The following IQCJ variants were observed in gnomAD, a reference collection of about 807,000 sequenced individuals.
IQCJ encodes IQ domain-containing protein J.
In IQCJ, 9 loss-of-function variants were observed where a neutral mutation model predicts 11.0. The observed-to-expected ratio is 0.82, with a 90% CI of 0.49 to 1.43. The LOEUF (loss-of-function observed/expected upper bound fraction) is 1.43. IQCJ is among the 40% of genes most tolerant of loss of function. The probability of loss-of-function intolerance (pLI) is 0.00; values close to 1 mark genes in which losing one functional copy is unlikely to be tolerated. For missense variants in IQCJ, 146 were observed against 133.2 expected (o/e 1.10, Z -0.47); for synonymous variants, 55 against 51.3 (o/e 1.07, Z -0.31).
intron 1 of IQCJ, among the ~76,000 whole-genome samples, chr3:159,243,759 C>G (rs1251362738): frequency 6.6e-6 from 1 of 152,172 alleles, no homozygotes; most frequent in East Asian, 1.9e-4. Flanking sequence ...GTAAATTATA[C>G]TCCAATTAAA....
At chr3:159,200,358 C>T (rs972821945) in intron 1 of IQCJ, among the ~76,000 whole-genome samples, 1 of 152,018 alleles carries the variant, frequency 6.6e-6, no homozygotes, top group Admixed American at 6.5e-5. Flanking sequence ...GTGGTATGAT[C>T]ATGACTGTGG....
intron 1 of IQCJ, among the ~76,000 whole-genome samples, chr3:159,178,901 A>T (rs898552072): frequency 6.6e-6 from 1 of 151,818 alleles, no homozygotes; most frequent in South Asian, 2.1e-4. Context: ...CCCCTGCACG[A>T]TGATGCCTCA....
chr3:159,225,768 G>C (rs1725821354), intron 1 of IQCJ, among the ~76,000 whole-genome samples: 2 of 151,756 alleles, frequency 1.3e-5, no homozygotes, highest in Non-Finnish European at 2.9e-5. Context: ...TGTGTACCTA[G>C]TGTTAGCAAT....
intron 1 of IQCJ, among the ~76,000 whole-genome samples, chr3:159,110,508 C>A (rs1358478683): frequency 1.3e-5 from 2 of 152,102 alleles, no homozygotes; most frequent in African/African-American, 4.8e-5. Flanking sequence ...ATGTCCAACC[C>A]AGACACAATG....
rs79355703 is a variant in IQCJ, at chr3:159,143,364, A to G, written c.9+73923A>G. ...ATTCTTGAAGAGCTTGAACCTCTCA[A>G]TAGTTCCTTACCCCACTACCCTAGA... is the stretch of plus-strand genomic sequence containing the variant. On this transcript the variant is annotated intron_variant, in intron 1 of 3. Coordinates refer to ENST00000397832, the MANE Select transcript of IQCJ (RefSeq NM_001042706.3). Among the ~76,000 whole-genome samples, 813 of 152,300 alleles carry G rather than the reference A, an allele frequency of 5.3e-3. 13 individuals are homozygous for G. In the East Asian group the frequency reaches 0.067, roughly 12 times the overall value.
chr3:159,137,714 G>A (rs1720378457), intron 1 of IQCJ, among the ~76,000 whole-genome samples: 1 of 152,050 alleles, frequency 6.6e-6, no homozygotes, highest in Admixed American at 6.6e-5. Context: ...CCTATTTTAT[G>A]AATGTCATGA....
intron 1 of IQCJ, among the ~76,000 whole-genome samples, chr3:159,204,879 T>C (rs1724555956): frequency 6.6e-6 from 1 of 152,202 alleles, no homozygotes; most frequent in Non-Finnish European, 1.5e-5. Flanking sequence ...GCACTTTACT[T>C]TCTGCATCTC....
chr3:159,120,197 A>G (rs1719283300), intron 1 of IQCJ, among the ~76,000 whole-genome samples: 1 of 152,118 alleles, frequency 6.6e-6, no homozygotes, highest in Non-Finnish European at 1.5e-5. Context: ...TGCACTTTGG[A>G]GAGGGTCCTA....
chr3:159,101,687 A>G (rs1029662105), intron 1 of IQCJ, among the ~76,000 whole-genome samples: 2 of 152,180 alleles, frequency 1.3e-5, no homozygotes, highest in Non-Finnish European at 1.5e-5. Flanking sequence ...ACTCAAGCCC[A>G]TCTACTGTGT....
chr3:159,155,302 C>A (rs537319907), intron 1 of IQCJ, among the ~76,000 whole-genome samples: 1 of 150,940 alleles, frequency 6.6e-6, no homozygotes, highest in South Asian at 2.2e-4. Context: ...GGACTACAGG[C>A]ACACGCCATC....
In IQCJ at chr3:159,091,676, A is replaced by ACG. The variant is rs1559981892; in HGVS notation, c.9+22236_9+22237insGC. Among the ~76,000 whole-genome samples the ACG allele has an allele frequency of 6.1e-4, 38 of 62,446 alleles. 3 individuals carry two copies. The highest frequency in any genetic ancestry group is 2.7e-3 in the African/African-American group (35 of 13,142). 41.0% of individuals were successfully genotyped at this position (62,446 alleles called of 152,430 possible). A position where few individuals can be genotyped will look rare whatever the true frequency, so the allele number is the denominator to read the frequency against. On this transcript the variant is annotated intron_variant, in intron 1 of 3. Transcript: ENST00000397832. ...CACACACACACACACACACGCATGC[A>ACG]CACACACACACACACACACACACAC...
intron 1 of IQCJ, among the ~76,000 whole-genome samples, chr3:159,232,580 T>G (rs1033683378): frequency 6.6e-6 from 1 of 151,782 alleles, no homozygotes; most frequent in Admixed American, 6.6e-5. Context: ...CACTGTGGTC[T>G]GAGAGACAGT....
chr3:159,236,604 A>G (rs918657675), intron 1 of IQCJ, among the ~76,000 whole-genome samples: 1 of 152,228 alleles, frequency 6.6e-6, no homozygotes, highest in African/African-American at 2.4e-5. Context: ...TCAGAATGCC[A>G]GCCTCCCAGT....
intron 1 of IQCJ, among the ~76,000 whole-genome samples, chr3:159,185,898 C>G (rs1723345600): frequency 6.6e-6 from 1 of 152,194 alleles, no homozygotes. Context: ...GTCACAGACT[C>G]TCACTTCTGC....
intron 1 of IQCJ, among the ~76,000 whole-genome samples, chr3:159,196,945 C>T (rs1724021089): frequency 6.6e-6 from 1 of 152,102 alleles, no homozygotes; most frequent in African/African-American, 2.4e-5. Context: ...CTCCTAATTT[C>T]CCTTATCTCC....
At chr3:159,109,034 A>G (rs1421733809) in intron 1 of IQCJ, among the ~76,000 whole-genome samples, 1 of 152,218 alleles carries the variant, frequency 6.6e-6, no homozygotes, top group Non-Finnish European at 1.5e-5. Context: ...CAACATATAG[A>G]GGTAGGTATA....
chr3:159,255,272 C>A (rs886782910), intron 3 of IQCJ, among the ~76,000 whole-genome samples: 3 of 152,138 alleles, frequency 2.0e-5, no homozygotes, highest in African/African-American at 7.2e-5. Context: ...CCTTTCCCCT[C>A]CATGATGAGA....
chr3:159,090,175 G>A (rs1159298517), intron 1 of IQCJ, among the ~76,000 whole-genome samples: 3 of 151,612 alleles, frequency 2.0e-5, no homozygotes, highest in Non-Finnish European at 4.4e-5. Context: ...TGGAGTACTG[G>A]GCCCTGTGAG....
intron 1 of IQCJ, among the ~76,000 whole-genome samples, chr3:159,185,474 C>A (rs1723324052): frequency 6.6e-6 from 1 of 152,058 alleles, no homozygotes; most frequent in South Asian, 2.1e-4. Context: ...GGTTGTTAGA[C>A]CATTGTCATA....
Sources: allele counts gnomAD v4.1 joint callset (sites outside exome capture counted in the v4.1 genomes callset), GRCh38; gene constraint gnomAD v4.1.1; transcripts MANE v1.5; gene names NCBI Gene and HGNC (gene_info 2026-07-23, HGNC 2026-07-21).